The following GALNT13 variants were observed in gnomAD, a reference collection of about 807,000 sequenced individuals.
GALNT13 encodes the protein UDP-GalNAc:polypeptide N-acetylgalactosaminyltransferase 13.
GALNT13 carries 28 observed loss-of-function variants against 64.2 expected under a neutral mutation model. The ratio of observed to expected loss-of-function variants is 0.44; its 90% confidence interval spans 0.32 to 0.60. The LOEUF is 0.60. Among genes scored for constraint, GALNT13 ranks in the 20% least tolerant of loss-of-function variants. The pLI is 0.05. For missense variants in GALNT13, 577 were observed against 669.8 expected, an observed-to-expected ratio of 0.86 and a Z score of 1.53; for synonymous variants, 214 against 224.6, an observed-to-expected ratio of 0.95 and a Z score of 0.42.
At chr2:153,082,216 G>A in the GALNT13 span, among the ~76,000 whole-genome samples, 1,171 of 152,140 alleles carry the variant, frequency 7.7e-3, 14 homozygotes, top group Middle Eastern at 0.027. Context: ...ACATGGATAA[G>A]TTCTTTAGTA....
chr2:153,093,485 C>T, the GALNT13 span, among the ~76,000 whole-genome samples: 15 of 151,918 alleles, frequency 9.9e-5, no homozygotes, highest in African/African-American at 2.9e-4. Context: ...GCAATCCACC[C>T]GCCTCGGCCT....
chr2:154,240,744 C>T lies in GALNT13; in HGVS notation c.312-1286C>T, dbSNP rs1281947994. Among the ~76,000 whole-genome samples, 5 of 152,198 alleles carry T rather than the reference C, an allele frequency of 3.3e-5. No homozygotes were observed. In the East Asian group the frequency reaches 9.6e-4, roughly 29 times the overall value. On this transcript the variant is annotated intron_variant, in intron 4 of 12. Transcript: ENST00000392825. ...CTCAATTAGACCCTCTACCTTGTCA[C>T]TACCTTGTCACAAGGACAGAGGACT...
At chr2:153,466,037 A>G in the GALNT13 span, among the ~76,000 whole-genome samples, 1 of 152,050 alleles carries the variant, frequency 6.6e-6, no homozygotes, top group Non-Finnish European at 1.5e-5. Flanking sequence ...AGAGCCTAGA[A>G]TTAAAACAAA....
At chr2:154,032,023 A>G (rs920623167) in intron 3 of GALNT13, among the ~76,000 whole-genome samples, 5 of 151,934 alleles carry the variant, frequency 3.3e-5, no homozygotes, top group Non-Finnish European at 7.4e-5. Context: ...CAGAACAGAA[A>G]AAAACTAAAA....
At chr2:154,200,968 A>G (rs1232703365) in intron 4 of GALNT13, among the ~76,000 whole-genome samples, 2 of 152,168 alleles carry the variant, frequency 1.3e-5, no homozygotes, top group African/African-American at 4.8e-5. Context: ...ATGCAATTCT[A>G]TTTTACAACA....
the GALNT13 span, among the ~76,000 whole-genome samples, chr2:153,865,503 C>T: frequency 3.9e-5 from 5 of 129,538 alleles, no homozygotes; most frequent in East Asian, 6.3e-4. Context: ...GGGCGAAGGA[C>T]ATGAACAGAC....
chr2:154,064,186 C>T (rs1004608410), intron 3 of GALNT13, among the ~76,000 whole-genome samples: 3 of 152,124 alleles, frequency 2.0e-5, no homozygotes, highest in African/African-American at 7.2e-5. Flanking sequence ...AGCATGTACA[C>T]CAGCCCTAGA....
chr2:154,007,516 T>C (rs1696338111), intron 3 of GALNT13, among the ~76,000 whole-genome samples: 1 of 152,016 alleles, frequency 6.6e-6, no homozygotes, highest in Admixed American at 6.6e-5. Flanking sequence ...AGTATTATAT[T>C]CTGAATTGAG....
the GALNT13 span, among the ~76,000 whole-genome samples, chr2:153,788,167 G>GA: frequency 6.6e-6 from 1 of 151,948 alleles, no homozygotes; most frequent in Non-Finnish European, 1.5e-5. Context: ...CAAAATGAAA[G>GA]AAAAAATAAT....
the GALNT13 span, among the ~76,000 whole-genome samples, chr2:153,787,993 G>A: frequency 1.3e-5 from 2 of 152,158 alleles, no homozygotes. Context: ...CAGGGAGAAA[G>A]CAAACAACTT....
chr2:154,372,902 A>T (rs183996961), intron 9 of GALNT13, among the ~76,000 whole-genome samples: 1 of 152,232 alleles, frequency 6.6e-6, no homozygotes, highest in East Asian at 1.9e-4. Flanking sequence ...GCCCTTTTCA[A>T]TATGATAATT....
chr2:153,634,926 T>C, the GALNT13 span, among the ~76,000 whole-genome samples: 7 of 152,160 alleles, frequency 4.6e-5, no homozygotes, highest in South Asian at 1.5e-3. Flanking sequence ...TCTCTTCCTG[T>C]GGTTCTCTCT....
the GALNT13 span, among the ~76,000 whole-genome samples, chr2:153,757,307 A>G: frequency 1.3e-5 from 2 of 152,116 alleles, no homozygotes; most frequent in African/African-American, 4.8e-5. Flanking sequence ...ACTTAGCATA[A>G]TGTCCTCCAC....
the GALNT13 span, among the ~76,000 whole-genome samples, chr2:153,542,371 C>T: frequency 7.4e-5 from 4 of 53,974 alleles, no homozygotes; most frequent in African/African-American, 2.1e-4. Context: ...AAAAAAAAAC[C>T]GGAAGTAGAA....
the GALNT13 span, among the ~76,000 whole-genome samples, chr2:153,668,722 G>A: frequency 6.6e-6 from 1 of 152,036 alleles, no homozygotes; most frequent in Non-Finnish European, 1.5e-5. Context: ...CGACCCACAC[G>A]TATCACAGAC....
At chr2:154,176,701 T>A (rs1420327621) in intron 4 of GALNT13, among the ~76,000 whole-genome samples, 1 of 152,194 alleles carries the variant, frequency 6.6e-6, no homozygotes, top group African/African-American at 2.4e-5. Flanking sequence ...AAAACCATGA[T>A]TAAGATGTTC....
At chr2:154,150,241 T>C (rs1171896895) in intron 4 of GALNT13, among the ~76,000 whole-genome samples, 7 of 151,890 alleles carry the variant, frequency 4.6e-5, no homozygotes, top group Non-Finnish European at 7.4e-5. Context: ...TATTGATTTG[T>C]GTATATTGAA....
chr2:154,389,168 C>G (rs1365980648), intron 9 of GALNT13, among the ~76,000 whole-genome samples: 1 of 152,128 alleles, frequency 6.6e-6, no homozygotes. Flanking sequence ...TGTGGTCTCG[C>G]TCTGTCACCC....
chr2:154,027,423 C>T (rs1275023486), intron 3 of GALNT13, among the ~76,000 whole-genome samples: 1 of 152,088 alleles, frequency 6.6e-6, no homozygotes, highest in African/African-American at 2.4e-5. Context: ...TGATCCCTGA[C>T]TAGAGATAGC....
Sources: gnomAD v4.1 joint callset for allele counts (sites outside exome capture counted in the v4.1 genomes callset) on GRCh38, gnomAD v4.1.1 for gene constraint, MANE v1.5 for transcripts, NCBI Gene and HGNC (gene_info 2026-07-23, HGNC 2026-07-21) for gene names.